The following CDK6 variants were observed in gnomAD, a reference collection of about 807,000 sequenced individuals.
CDK6 encodes the protein cyclin-dependent kinase 6.
A neutral mutation model predicts 37.1 loss-of-function variants in CDK6; 6 were observed. The observed-to-expected ratio is 0.16, with a 90% CI of 0.09 to 0.32. The LOEUF (loss-of-function observed/expected upper bound fraction) is 0.32, where lower values mean the gene tolerates loss of function less well. CDK6 is among the 10% of genes least tolerant of loss of function. The probability of loss-of-function intolerance (pLI) is 1.00; values close to 1 mark genes in which losing one functional copy is unlikely to be tolerated. For missense variants in CDK6, 224 were observed against 418.9 expected, an observed-to-expected ratio of 0.53 and a Z score of 4.06; for synonymous variants, 160 against 161.3, an observed-to-expected ratio of 0.99 and a Z score of 0.06.
chr7:92,616,326 T>C (rs905169155), intron 7 of CDK6, among the ~76,000 whole-genome samples: 4 of 152,212 alleles, frequency 2.6e-5, no homozygotes, highest in African/African-American at 9.6e-5. Context: ...CTCTCTAATA[T>C]TCTATCGAAG....
intron 4 of CDK6, among the ~76,000 whole-genome samples, chr7:92,709,169 G>C (rs1798031428): frequency 1.3e-5 from 2 of 151,944 alleles, no homozygotes; most frequent in Non-Finnish European, 2.9e-5. Flanking sequence ...TGGTTTCCCT[G>C]CCATCAATTT....
chr7:92,785,294 G>A (rs1236121759), intron 2 of CDK6, among the ~76,000 whole-genome samples: 4 of 152,174 alleles, frequency 2.6e-5, no homozygotes, highest in Non-Finnish European at 5.9e-5. Flanking sequence ...AAAAGACTAT[G>A]TATTCCATTA....
chr7:92,791,507 C>T (rs1800281165), intron 2 of CDK6, among the ~76,000 whole-genome samples: 2 of 152,252 alleles, frequency 1.3e-5, no homozygotes, highest in Non-Finnish European at 2.9e-5. Flanking sequence ...AGGCCTCAGA[C>T]CAACACTGCA....
chr7:92,684,179 C>A (rs1797398617), intron 4 of CDK6, among the ~76,000 whole-genome samples: 1 of 152,082 alleles, frequency 6.6e-6, no homozygotes, highest in Non-Finnish European at 1.5e-5. Context: ...CACAGAAGAG[C>A]CAATGGCAGA....
Position 92,776,349 on chromosome 7 carries a change from G to C in CDK6, c.234-1518C>G, listed in dbSNP as rs559563734. Among the ~76,000 whole-genome samples, 39 of 152,210 alleles carry C rather than the reference G, an allele frequency of 2.6e-4. 1 individual carries two copies. Among genetic ancestry groups the C allele is most frequent in the Non-Finnish European group, 2.9e-5 (2 of 68,020 alleles). On this transcript the variant is annotated intron_variant, in intron 2 of 7. Coordinates refer to ENST00000424848, the MANE Select transcript of CDK6 (RefSeq NM_001145306.2). ...GTTGATTCCAAGTCTTTGCTATTGTGAACAGTGCTGCAATAAACATATGTG... is the reference window on the plus strand; with the variant it reads ...GTTGATTCCAAGTCTTTGCTATTGTCAACAGTGCTGCAATAAACATATGTG...
At chr7:92,629,140 G>C (rs1002171557) in intron 5 of CDK6, among the ~76,000 whole-genome samples, 2 of 152,008 alleles carry the variant, frequency 1.3e-5, no homozygotes, top group South Asian at 4.1e-4. Flanking sequence ...AAGAATCTGA[G>C]ACGAAGTTCC....
At chr7:92,744,807 T>C (rs1370524410) in intron 3 of CDK6, among the ~76,000 whole-genome samples, 1 of 152,142 alleles carries the variant, frequency 6.6e-6, no homozygotes, top group Admixed American at 6.6e-5. Context: ...TCTCAATTTC[T>C]TGAAACACGA....
intron 4 of CDK6, among the ~76,000 whole-genome samples, chr7:92,683,224 T>C (rs1562934573): frequency 6.6e-6 from 1 of 152,342 alleles, no homozygotes; most frequent in East Asian, 1.9e-4. Context: ...GAAATCTATT[T>C]GCTTTGAGAG....
chr7:92,622,919 G>T (rs1795837737), intron 6 of CDK6, 117 bp downstream of exon 6: 1 of 668,516 alleles, frequency 1.5e-6, no homozygotes, highest in Non-Finnish European at 2.7e-6. Flanking sequence ...ACTGTCTGCA[G>T]CAGCTGCTTG....
chr7:92,737,802 A>C (rs1798822691), intron 3 of CDK6, among the ~76,000 whole-genome samples: 1 of 152,182 alleles, frequency 6.6e-6, no homozygotes, highest in Non-Finnish European at 1.5e-5. Flanking sequence ...TCTGAAAAGA[A>C]CACTTAGCTT....
At chr7:92,672,927 G>A (rs1035148222) in intron 4 of CDK6, among the ~76,000 whole-genome samples, 1 of 152,150 alleles carries the variant, frequency 6.6e-6, no homozygotes, top group Non-Finnish European at 1.5e-5. Context: ...TCGTATCAAG[G>A]GATGGATTTT....
chr7:92,833,541 G>A lies in CDK6; in HGVS notation c.-218C>T, dbSNP rs1355912295. ...GGGCTGGCGTAACCCTGGTGCCGCC[G>A]CCGCGAAACTCCGCCTGCAGAGTCG... On this transcript the variant is annotated 5_prime_UTR_variant, in exon 2 of 8. Coordinates refer to ENST00000424848, the MANE Select transcript of CDK6 (RefSeq NM_001145306.2). The surrounding 1 kb of genome is among the most constrained non-coding windows in gnomAD (Gnocchi z 6.1). The A allele has an allele frequency of 5.5e-6, 3 of 543,160 alleles. No homozygotes were observed. The highest frequency in any genetic ancestry group is 4.1e-5 in the African/African-American group (2 of 49,196). The allele number at this position is 543,160 out of a possible 1,614,324, so 33.6% of individuals were successfully genotyped here. A position where few individuals can be genotyped will look rare whatever the true frequency, so the allele number is the denominator to read the frequency against.
chr7:92,723,856 T>G (rs543119408), intron 4 of CDK6, among the ~76,000 whole-genome samples: 1 of 151,340 alleles, frequency 6.6e-6, no homozygotes, highest in Admixed American at 6.6e-5. Flanking sequence ...CATATCAACT[T>G]TCAGCAAGAA....
chr7:92,716,112 G>C (rs918603376), intron 4 of CDK6, among the ~76,000 whole-genome samples: 4 of 152,140 alleles, frequency 2.6e-5, no homozygotes, highest in Admixed American at 2.0e-4. Context: ...GTTGAAAGTT[G>C]TGTCTAAAAC....
intron 2 of CDK6, among the ~76,000 whole-genome samples, chr7:92,783,073 G>C (rs1190270068): frequency 6.6e-6 from 1 of 152,164 alleles, no homozygotes; most frequent in East Asian, 1.9e-4. Context: ...CAAGGAGCCA[G>C]GCAGCTTCCT....
chr7:92,731,755 A>T (rs1297789057), intron 3 of CDK6, among the ~76,000 whole-genome samples: 1 of 152,074 alleles, frequency 6.6e-6, no homozygotes, highest in African/African-American at 2.4e-5. Context: ...CTGGAAATAA[A>T]AAAAAAAAAG....
rs190619584 is a variant in CDK6 at position 92,690,671 on chromosome 7, C to T, written c.538-19136G>A. 6.6e-5 allele frequency among the ~76,000 whole-genome samples: 10 copies of T among 152,244 alleles called. No homozygotes were observed. In the East Asian group the frequency reaches 1.3e-3, roughly 21 times the overall value. Reference sequence around the variant, plus strand: ...TACAGAATTAGTGATCCTTGGAAAACGAGTTGAAAAGCACTACTCTATGAC... The same window carrying T: ...TACAGAATTAGTGATCCTTGGAAAATGAGTTGAAAAGCACTACTCTATGAC... On this transcript the variant is annotated intron_variant, in intron 4 of 7. Coordinates refer to ENST00000424848, the MANE Select transcript of CDK6 (RefSeq NM_001145306.2).
chr7:92,663,022 T>G (rs1198588470), intron 5 of CDK6, among the ~76,000 whole-genome samples: 6 of 152,170 alleles, frequency 3.9e-5, no homozygotes, highest in Non-Finnish European at 8.8e-5. Flanking sequence ...AGAGTCAGAT[T>G]TGAAAGGAGT....
chr7:92,632,299 G>C (rs1393121847), intron 5 of CDK6, among the ~76,000 whole-genome samples: 1 of 152,144 alleles, frequency 6.6e-6, no homozygotes, highest in Non-Finnish European at 1.5e-5. Context: ...TCTGTTGGCT[G>C]AAGTGGCTTC....
Sources: allele counts gnomAD v4.1 joint callset (sites outside exome capture counted in the v4.1 genomes callset), GRCh38; gene constraint gnomAD v4.1.1; non-coding constraint Gnocchi (gnomAD v3.1); transcripts MANE v1.5; gene names NCBI Gene and HGNC (gene_info 2026-07-23, HGNC 2026-07-21).